The following CACNG6 variants were observed in gnomAD, a reference collection of about 807,000 sequenced individuals.
CACNG6 encodes voltage-dependent calcium channel gamma-6 subunit.
Under a neutral mutation model 23.9 loss-of-function variants are expected in CACNG6, and 21 were observed. The observed-to-expected ratio is 0.88, with a 90% CI of 0.62 to 1.26. The LOEUF is 1.26. Ranked by LOEUF, CACNG6 falls within the 50% of genes most tolerant of loss-of-function variation. CACNG6 has a pLI of 0.00. For synonymous variants in CACNG6, 182 were observed against 168.9 expected (o/e 1.08, Z -0.60); for missense variants, 340 against 352.9 (o/e 0.96, Z 0.29).
Position 54,012,161 on chromosome 19 carries a change from G to C in CACNG6, c.755G>C (p.Cys252Ser), listed in dbSNP as rs12980121. 0.054 allele frequency: 78,877 copies of C among 1,464,184 alleles called. 2,418 individuals carry two copies. The highest frequency in any genetic ancestry group is 0.099 in the Middle Eastern group (536 of 5,422). The allele number at this position is 1,464,184 out of a possible 1,614,324, so 90.7% of individuals were successfully genotyped here. A position where few individuals can be genotyped will look rare whatever the true frequency, so the allele number is the denominator to read the frequency against. ...TLPSWPWGSL[C>S]PKRGHRAT ...CCTTCCTGGCCCTGGGGGTCCCTCT[G>C]TCCCAAGCGGGGGCACCGGGCCACC... is the stretch of plus-strand genomic sequence containing the variant. The change falls in exon 4 of 4, where the codon TGT (cysteine) becomes TCT (serine). Residue 252 changes from cysteine (C) to serine (S), a missense_variant. Physicochemically the swap from Cys to Ser is moderately radical, Grantham distance 112. Coordinates refer to ENST00000252729, the MANE Select transcript of CACNG6 (RefSeq NM_145814.2).
At position 53,992,859 on chromosome 19, in the gene CACNG6, C is replaced by G; in HGVS notation, c.-19C>G. 7.3e-7 allele frequency: 1 copy of G among 1,372,228 alleles called. No homozygotes were observed. Among genetic ancestry groups the G allele is most frequent in the Non-Finnish European group, 9.4e-7 (1 of 1,059,552 alleles). 85.0% of individuals were successfully genotyped at this position (1,372,228 alleles called of 1,614,324 possible). A position where few individuals can be genotyped will look rare whatever the true frequency, so the allele number is the denominator to read the frequency against. ...GCCGGCTCTGCCTCCTCCCCCTTCC[C>G]GACCCCACCGGCCATAAGATGATGT... On this transcript the variant is annotated 5_prime_UTR_variant, in exon 1 of 4. Transcript: ENST00000252729. This position sits in a 1 kb window ranked among gnomAD's most constrained non-coding sequence, Gnocchi z 4.1.
At chr19:54,005,666 T>C in intron 3 of CACNG6, among the ~76,000 whole-genome samples, 1 of 151,516 alleles carries the variant, frequency 6.6e-6, no homozygotes, top group Non-Finnish European at 1.5e-5. Context: ...GGCAGGGGAA[T>C]CACTTGAATT....
chr19:53,995,570 C>T (rs530436345), intron 1 of CACNG6, among the ~76,000 whole-genome samples: 21 of 152,308 alleles, frequency 1.4e-4, no homozygotes, highest in East Asian at 1.4e-3. Context: ...CCAGAAGGGC[C>T]GTCACACTTC....
intron 3 of CACNG6, among the ~76,000 whole-genome samples, chr19:54,003,595 A>G (rs891996721): frequency 3.3e-5 from 5 of 152,076 alleles, no homozygotes; most frequent in African/African-American, 9.7e-5. Context: ...TCCTGACCTC[A>G]GGTGATCCAC....
At chr19:54,002,259 A>C (rs1191056298) in intron 3 of CACNG6, among the ~76,000 whole-genome samples, 2 of 141,848 alleles carry the variant, frequency 1.4e-5, no homozygotes, top group Non-Finnish European at 1.5e-5. Context: ...AAGCCCGGCT[A>C]ATTTTCGGTT....
In CACNG6 at chr19:54,012,221, C is replaced by T. The variant is rs753274467; in HGVS notation, c.*32C>T. ...GCGTGAGACTTCTCTAAGCAACCAC[C>T]GAGCCCTTTGACCTTCTCCATTGTA... On this transcript the variant is annotated 3_prime_UTR_variant, in exon 4 of 4. Coordinates refer to ENST00000252729, the MANE Select transcript of CACNG6 (RefSeq NM_145814.2). 9 of 1,029,896 alleles carry T rather than the reference C, an allele frequency of 8.7e-6. No individual in the cohort carries two copies. Among genetic ancestry groups the T allele is most frequent in the Non-Finnish European group, 8.1e-6 (6 of 739,790 alleles). The allele number at this position is 1,029,896 out of a possible 1,614,324, so 63.8% of individuals were successfully genotyped here. A position where few individuals can be genotyped will look rare whatever the true frequency, so the allele number is the denominator to read the frequency against.
rs1341520542 is a variant in CACNG6, at chr19:54,012,468, T to A, written c.*279T>A. ...ACTGGCGGGGACCTGATGGGGTAGC[T>A]GGGGTGTGGGGTTGGGGGATGAGGT... On this transcript the variant is annotated 3_prime_UTR_variant, in exon 4 of 4. Transcript: ENST00000252729. 5 of 48,080 alleles carry A rather than the reference T, an allele frequency of 1.0e-4. No homozygotes were observed. The highest frequency in any genetic ancestry group is 2.9e-4 in the Admixed American group (1 of 3,438). 3.0% of individuals were successfully genotyped at this position (48,080 alleles called of 1,614,324 possible). A position where few individuals can be genotyped will look rare whatever the true frequency, so the allele number is the denominator to read the frequency against.
At chr19:54,011,895 T>TTCAGACACAGCTGGGGTCGC in intron 3 of CACNG6, 56 bp from the exon 4 acceptor site, 7 of 1,285,506 alleles carry the variant, frequency 5.4e-6, no homozygotes, top group Non-Finnish European at 7.2e-6. Context: ...GGCGGAGATG[T>TTCAGACACAGCTGGGGTCGC]TCAGACACAG....
At chr19:54,011,201 A>ATATATAT (rs1224254977) in intron 3 of CACNG6, among the ~76,000 whole-genome samples, 2 of 83,802 alleles carry the variant, frequency 2.4e-5, no homozygotes, top group Non-Finnish European at 4.4e-5. Flanking sequence ...AAAAAAAAAA[A>ATATATAT]AAAAATATAT....
intron 3 of CACNG6, among the ~76,000 whole-genome samples, chr19:54,006,140 C>T (rs1236663252): frequency 1.1e-5 from 1 of 88,202 alleles, no homozygotes; most frequent in Non-Finnish European, 2.9e-5. Flanking sequence ...AGAAAGAAGA[C>T]TCATTTCTAG....
intron 3 of CACNG6, among the ~76,000 whole-genome samples, chr19:54,007,922 A>G (rs1410412549): frequency 6.6e-6 from 1 of 150,532 alleles, no homozygotes; most frequent in Admixed American, 6.6e-5. Flanking sequence ...AAAAAAAAAA[A>G]GATTGAATTA....
intron 3 of CACNG6, among the ~76,000 whole-genome samples, chr19:54,005,249 A>ATAAATAAATAAT (rs2069629667): frequency 4.5e-5 from 5 of 110,194 alleles, no homozygotes; most frequent in Admixed American, 9.0e-5. Flanking sequence ...AAATAAATAA[A>ATAAATAAATAAT]TAATAATAAA....
chr19:54,004,331 A>AC (rs1460601898), intron 3 of CACNG6, among the ~76,000 whole-genome samples: 2 of 84,318 alleles, frequency 2.4e-5, no homozygotes, highest in African/African-American at 1.4e-4. Context: ...TTAATTTTGT[A>AC]TTTTTGTGTG....
chr19:53,998,246 C>T lies in CACNG6; in HGVS notation c.339C>T (p.Asn113=), dbSNP rs2069540310. 2.5e-6 allele frequency: 4 copies of T among 1,613,970 alleles called. No homozygotes were observed. In the South Asian group the frequency reaches 4.4e-5, roughly 18 times the overall value. The part of the protein sequence containing the change: ...CGPAELPGEA[N]CTYFKFFTTG... ...TCTCTCCTGCTCCCACAGAAGCAAACTGCACCTATTTTAAATTCTTCACCA... is the reference window on the plus strand; with the variant it reads ...TCTCTCCTGCTCCCACAGAAGCAAATTGCACCTATTTTAAATTCTTCACCA... Residue 113 remains asparagine, a synonymous_variant, in exon 2 of 4, where the codon AAC becomes AAT. Coordinates refer to ENST00000252729, the MANE Select transcript of CACNG6 (RefSeq NM_145814.2).
At chr19:54,007,488 C>G (rs56072095) in intron 3 of CACNG6, among the ~76,000 whole-genome samples, 8,847 of 152,274 alleles carry the variant, frequency 0.058, 800 homozygotes, top group African/African-American at 0.19. Flanking sequence ...GTCCATCTCT[C>G]CTTCTTGGAT....
Position 54,012,121 on chromosome 19 carries a change from C to T in CACNG6, c.715C>T (p.Leu239=). The change falls in exon 4 of 4, where the codon CTG becomes TTG. Residue 239 remains leucine, a synonymous_variant. Coordinates refer to ENST00000252729, the MANE Select transcript of CACNG6 (RefSeq NM_145814.2). ...LILLLGAGCF[L]LLTLPSWPWG... ...CCTGCTGTTGGGGGCCGGCTGCTTT[C>T]TGCTGCTCACACTGCCTTCCTGGCC... is the stretch of plus-strand genomic sequence containing the variant. 6.4e-7 allele frequency: 1 copy of T among 1,558,754 alleles called. No homozygotes were observed. Among genetic ancestry groups the T allele is most frequent in the Non-Finnish European group, 8.7e-7 (1 of 1,153,604 alleles).
chr19:54,004,265 A>G (rs2069610749), intron 3 of CACNG6, among the ~76,000 whole-genome samples: 1 of 151,448 alleles, frequency 6.6e-6, no homozygotes. Context: ...GATTCAAGCG[A>G]GTCTCCTGCC....
At chr19:53,991,501 G>A (rs1208068715), upstream of CACNG6, among the ~76,000 whole-genome samples, 1 of 150,548 alleles carries the variant, frequency 6.6e-6, no homozygotes, top group Non-Finnish European at 1.5e-5. Flanking sequence ...TAAAACACCC[G>A]GGATCCCTAT....
chr19:54,002,336 T>A (rs2069588945), intron 3 of CACNG6, among the ~76,000 whole-genome samples: 1 of 145,148 alleles, frequency 6.9e-6, no homozygotes, highest in Non-Finnish European at 1.5e-5. Context: ...CAGGCTGGTC[T>A]CCAACTCCTG....
Sources: gnomAD v4.1 joint callset for allele counts (sites outside exome capture counted in the v4.1 genomes callset) on GRCh38, gnomAD v4.1.1 for gene constraint, Gnocchi (gnomAD v3.1) non-coding constraint, MANE v1.5 for transcripts, NCBI Gene and HGNC (gene_info 2026-07-23, HGNC 2026-07-21) for gene names.